AKT2: variants seen among roughly 807,000 people sequenced by gnomAD.
AKT2 encodes the protein RAC-beta serine/threonine-protein kinase.
In AKT2, 16 loss-of-function variants were observed where a neutral mutation model predicts 58.6. The observed-to-expected ratio is 0.27, with a 90% CI of 0.18 to 0.41. AKT2 has a LOEUF of 0.41. AKT2 is among the 10% of genes least tolerant of loss of function. The pLI is 1.00. For synonymous variants in AKT2, 253 were observed against 254.0 expected, an observed-to-expected ratio of 1.00 and a Z score of 0.04; for missense variants, 438 against 661.0, an observed-to-expected ratio of 0.66 and a Z score of 3.70.
chr19:40,278,007 G>T (rs2077357628), intron 1 of AKT2, among the ~76,000 whole-genome samples: 1 of 152,150 alleles, frequency 6.6e-6, no homozygotes, highest in African/African-American at 2.4e-5. Context: ...CCTTGGGAGG[G>T]GCCAAGGTCA....
rs1599953434 is a variant in AKT2, at chr19:40,236,248, C to A, written c.960+9G>T. Reference sequence around the variant, plus strand: ...CTCACACGTTCCTACCCCCACCAACCCCAGACACCTCAGGCGCCAGGTACT... The same window carrying A: ...CTCACACGTTCCTACCCCCACCAACACCAGACACCTCAGGCGCCAGGTACT... On this transcript the variant is annotated intron_variant, in intron 10 of 13. Coordinates refer to ENST00000392038, the MANE Select transcript of AKT2 (RefSeq NM_001626.6). 6.2e-7 allele frequency: 1 copy of A among 1,613,710 alleles called. No individual in the cohort carries two copies. Among genetic ancestry groups the A allele is most frequent in the Non-Finnish European group, 8.5e-7 (1 of 1,180,020 alleles).
At position 40,237,794 on chromosome 19, in the gene AKT2, G is replaced by T; in HGVS notation, c.831+175C>A. The T allele has an allele frequency of 1.1e-6, 1 of 890,878 alleles. No homozygotes were observed. Among genetic ancestry groups the T allele is most frequent in the South Asian group, 1.6e-5 (1 of 62,480 alleles). The allele number at this position is 890,878 out of a possible 1,614,324, so 55.2% of individuals were successfully genotyped here. On this transcript the variant is annotated intron_variant, in intron 9 of 13. Coordinates refer to ENST00000392038, the MANE Select transcript of AKT2 (RefSeq NM_001626.6). This position sits in a 1 kb window ranked among gnomAD's most constrained non-coding sequence, Gnocchi z 4.5. ...CCTTGGTGGGGAGCCTGGTGAATGAGGGCAGCCACCACCCTGGACCTTGGT... is the reference window on the plus strand; with the variant it reads ...CCTTGGTGGGGAGCCTGGTGAATGATGGCAGCCACCACCCTGGACCTTGGT...
intron 4 of AKT2, 86 bp downstream of exon 4, chr19:40,255,072 C>T (rs1975441590): frequency 9.0e-7 from 1 of 1,114,378 alleles, no homozygotes; most frequent in Non-Finnish European, 1.4e-6. Flanking sequence ...TGTAGGGTCC[C>T]AGGGAAAATC....
chr19:40,236,047 T>G lies in AKT2; in HGVS notation c.1018A>C (p.Met340Leu), dbSNP rs1974006141. 6.2e-7 allele frequency: 1 copy of G among 1,614,124 alleles called. No homozygotes were observed. The highest frequency in any genetic ancestry group is 8.5e-7 in the Non-Finnish European group (1 of 1,180,018). Residue 340 changes from methionine to leucine, a missense_variant, in exon 11 of 14, where the codon ATG (methionine) becomes CTG (leucine). Met to Leu is a conservative substitution (Grantham distance 15, BLOSUM62 2). Coordinates refer to ENST00000392038, the MANE Select transcript of AKT2 (RefSeq NM_001626.6). ...AVDWWGLGVV[M>L]YEMMCGRLPF... ...AGGCGGCCGCACATCATCTCGTACA[T>G]GACCACACCCAGCCCCCACCAGTCC...
At chr19:40,256,354 C>A (rs949411363) in intron 3 of AKT2, among the ~76,000 whole-genome samples, 3 of 152,132 alleles carry the variant, frequency 2.0e-5, no homozygotes, top group African/African-American at 7.2e-5. Flanking sequence ...AACAACAGGA[C>A]ATGGTGACCC....
Position 40,237,855 on chromosome 19 carries a change from G to T in AKT2, c.831+114C>A. ...GCGAATGAGGGCAGCCACCACCCTGGACCTTGGTGGGGAGCCTGGCGAATG... is the reference window on the plus strand; with the variant it reads ...GCGAATGAGGGCAGCCACCACCCTGTACCTTGGTGGGGAGCCTGGCGAATG... On this transcript the variant is annotated intron_variant, in intron 9 of 13. Transcript: ENST00000392038. The surrounding 1 kb of genome is among the most constrained non-coding windows in gnomAD (Gnocchi z 4.5). The T allele has an allele frequency of 6.7e-7, 1 of 1,492,274 alleles. No individual in the cohort carries two copies. The highest frequency in any genetic ancestry group is 2.4e-5 in the East Asian group (1 of 41,042). The allele number at this position is 1,492,274 out of a possible 1,614,324, so 92.4% of individuals were successfully genotyped here. A position where few individuals can be genotyped will look rare whatever the true frequency, so the allele number is the denominator to read the frequency against.
chr19:40,284,415 A>G (rs1191285862), intron 1 of AKT2, among the ~76,000 whole-genome samples: 1 of 152,172 alleles, frequency 6.6e-6, no homozygotes, highest in Non-Finnish European at 1.5e-5. Context: ...TGAGAGGGTA[A>G]TGGAATCCAG....
intron 9 of AKT2, 186 bp from the exon 10 acceptor site, chr19:40,236,571 C>T: frequency 1.3e-6 from 1 of 750,088 alleles, no homozygotes. Context: ...TCCTCACCCT[C>T]TGGCCCACCC....
At chr19:40,275,766 G>GGC (rs1555778561) in intron 1 of AKT2, among the ~76,000 whole-genome samples, 1 of 75,232 alleles carries the variant, frequency 1.3e-5, no homozygotes, top group Non-Finnish European at 2.8e-5. Context: ...TGGGAGGCTG[G>GGC]GGGGGGGGGG....
chr19:40,236,511 G>A, intron 9 of AKT2, 126 bp from the exon 10 acceptor site: 2 of 1,274,762 alleles, frequency 1.6e-6, no homozygotes. Context: ...GCTGGGCCCA[G>A]CACACACAGC....
intron 2 of AKT2, among the ~76,000 whole-genome samples, chr19:40,258,245 G>GAAA (rs56202522): frequency 4.4e-4 from 18 of 41,060 alleles, no homozygotes; most frequent in African/African-American, 7.0e-4. Context: ...ACTCCGTCTC[G>GAAA]AAAAAAAAAA....
Position 40,238,789 on chromosome 19 carries a change from C to T in AKT2, c.708+116G>A. The T allele has an allele frequency of 8.9e-7, 1 of 1,121,702 alleles. No individual in the cohort carries two copies. The highest frequency in any genetic ancestry group is 2.4e-5 in the East Asian group (1 of 42,500). 69.5% of individuals were successfully genotyped at this position (1,121,702 alleles called of 1,614,324 possible). A position where few individuals can be genotyped will look rare whatever the true frequency, so the allele number is the denominator to read the frequency against. On this transcript the variant is annotated intron_variant, in intron 8 of 13. Transcript: ENST00000392038. This position sits in a 1 kb window ranked among gnomAD's most constrained non-coding sequence, Gnocchi z 5.1. Reference sequence around the variant, plus strand: ...CCGCCTGCCTCAAGGGAGAGGGGCACTAGATGACACTGAAATTTCCCTCCA... The same window carrying T: ...CCGCCTGCCTCAAGGGAGAGGGGCATTAGATGACACTGAAATTTCCCTCCA...
In AKT2 at chr19:40,234,699, G is replaced by A. The variant is rs1233745887; in HGVS notation, c.1366+346C>T. The stretch of plus-strand genomic sequence containing the variant: ...CTTTCCAGGGCAGGGCCCAGGGCTG[G>A]CTCAATCAGTGCTGTGTCCCCAGCA... On this transcript the variant is annotated intron_variant, in intron 13 of 13. Transcript: ENST00000392038. The surrounding 1 kb of genome is among the most constrained non-coding windows in gnomAD (Gnocchi z 4.7). The A allele has an allele frequency of 3.7e-5, 22 of 590,826 alleles. No homozygotes were observed. The highest frequency in any genetic ancestry group is 6.3e-5 in the Non-Finnish European group (21 of 333,204). 36.6% of individuals were successfully genotyped at this position (590,826 alleles called of 1,614,324 possible). A position where few individuals can be genotyped will look rare whatever the true frequency, so the allele number is the denominator to read the frequency against.
intron 1 of AKT2, among the ~76,000 whole-genome samples, chr19:40,284,358 T>G (rs1252187013): frequency 6.6e-6 from 1 of 152,028 alleles, no homozygotes; most frequent in East Asian, 1.9e-4. Context: ...ACAGCTTTCC[T>G]CCCTCCCCTA....
chr19:40,253,200 G>A (rs1431407359), intron 4 of AKT2, among the ~76,000 whole-genome samples: 2 of 152,190 alleles, frequency 1.3e-5, no homozygotes, highest in South Asian at 2.1e-4. Flanking sequence ...ATTGGCACAG[G>A]TGCCTACTGG....
rs906605205 is a variant in AKT2, at chr19:40,230,964, C to G, written c.*2908G>C. On this transcript the variant is annotated 3_prime_UTR_variant, in exon 14 of 14. Transcript: ENST00000392038. ...TCTCGAACCCCTGGCCTCAAGAGAC[C>G]CGCCCGCCTCGGCCTCCCAAATTGC... 1.0e-5 allele frequency: 2 copies of G among 193,006 alleles called. No individual in the cohort carries two copies. The highest frequency in any genetic ancestry group is 1.6e-4 in the East Asian group (2 of 12,218). 12.0% of individuals were successfully genotyped at this position (193,006 alleles called of 1,614,324 possible). A position where few individuals can be genotyped will look rare whatever the true frequency, so the allele number is the denominator to read the frequency against.
chr19:40,255,579 G>A (rs960327105), intron 3 of AKT2, among the ~76,000 whole-genome samples: 4 of 152,216 alleles, frequency 2.6e-5, no homozygotes, highest in Admixed American at 2.6e-4. Context: ...GGGCTTCCCA[G>A]AGGAAGCAGC....
At position 40,255,317 on chromosome 19, in the gene AKT2, C is replaced by A. The variant is rs776993559; in HGVS notation, c.176-48G>T. 4.6e-6 allele frequency: 7 copies of A among 1,528,706 alleles called. No individual in the cohort carries two copies. In the Admixed American group the frequency reaches 1.2e-4, roughly 26 times the overall value. 94.7% of individuals were successfully genotyped at this position (1,528,706 alleles called of 1,614,324 possible). On this transcript the variant is annotated intron_variant, in intron 3 of 13. Transcript: ENST00000392038. ...GCAGGGGGCTGAGGGGATAGCCCTG[C>A]TAGCCTGCAGCCCAAAGTGCCCGAG... is the stretch of plus-strand genomic sequence containing the variant.
At chr19:40,262,841 T>G (rs1278198001) in intron 2 of AKT2, among the ~76,000 whole-genome samples, 1 of 152,182 alleles carries the variant, frequency 6.6e-6, no homozygotes, top group African/African-American at 2.4e-5. Context: ...AAACCAGCAC[T>G]GCCATTATTT....
Sources: gnomAD v4.1 joint callset for allele counts (sites outside exome capture counted in the v4.1 genomes callset) on GRCh38, gnomAD v4.1.1 for gene constraint, Gnocchi (gnomAD v3.1) non-coding constraint, MANE v1.5 for transcripts, NCBI Gene and HGNC (gene_info 2026-07-23, HGNC 2026-07-21) for gene names.